Variants in RBP4 observed in about 807,000 individuals in gnomAD.
RBP4 encodes the protein retinol-binding protein 4.
In RBP4, 9 loss-of-function variants were observed where a neutral mutation model predicts 26.2. The ratio of observed to expected loss-of-function variants is 0.34; its 90% CI spans 0.21 to 0.60. The LOEUF is 0.60. Ranked by LOEUF, RBP4 falls within the 20% of genes least tolerant of loss-of-function variation. The pLI is 0.80. For synonymous variants in RBP4, 114 were observed against 111.0 expected, an observed-to-expected ratio of 1.03 and a Z score of -0.17; for missense variants, 244 against 271.3, an observed-to-expected ratio of 0.90 and a Z score of 0.71.
upstream of RBP4, chr10:93,601,271 CG>C: frequency 8.2e-7 from 1 of 1,214,422 alleles, no homozygotes; most frequent in Non-Finnish European, 1.0e-6. Context: ...TTTATAGCGC[CG>C]GGGGGAGGGG....
At chr10:93,598,243 A>G (rs2058314210) in intron 4 of RBP4, among the ~76,000 whole-genome samples, 2 of 152,214 alleles carry the variant, frequency 1.3e-5, no homozygotes, top group Admixed American at 6.5e-5. Flanking sequence ...CATATCAAAC[A>G]CTTACAAAGA....
At chr10:93,597,073 T>G (rs932843169) in intron 4 of RBP4, among the ~76,000 whole-genome samples, 1 of 152,208 alleles carries the variant, frequency 6.6e-6, no homozygotes, top group Admixed American at 6.5e-5. Flanking sequence ...AGAAACAGCA[T>G]ACCCAAGGAG....
In RBP4 at chr10:93,601,212, G is replaced by A; in HGVS notation, c.-60C>T. 2 of 1,314,728 alleles carry A rather than the reference G, an allele frequency of 1.5e-6. No individual in the cohort carries two copies. Among genetic ancestry groups the A allele is most frequent in the Non-Finnish European group, 1.9e-6 (2 of 1,039,886 alleles). The allele number at this position is 1,314,728 out of a possible 1,614,324, so 81.4% of individuals were successfully genotyped here. A position where few individuals can be genotyped will look rare whatever the true frequency, so the allele number is the denominator to read the frequency against. On this transcript the variant is annotated 5_prime_UTR_variant, in exon 1 of 6. Transcript: ENST00000371464. The stretch of plus-strand genomic sequence containing the variant: ...GCGCGCAAGCCTGGCCGCCGAGTCC[G>A]GGCGCGCGTGGAGCGAGGGAGGCGA...
At chr10:93,594,729 G>A (rs991029521) in intron 4 of RBP4, among the ~76,000 whole-genome samples, 1 of 152,224 alleles carries the variant, frequency 6.6e-6, no homozygotes, top group Non-Finnish European at 1.5e-5. Flanking sequence ...GCAGAGCTGA[G>A]CCACTGAATT....
At position 93,592,013 on chromosome 10, in the gene RBP4, AATAGAGCTGAAG is replaced by A. The variant is rs1312068487; in HGVS notation, c.*50_*61del. 4 of 1,395,604 alleles carry A rather than the reference AATAGAGCTGAAG, an allele frequency of 2.9e-6. No homozygotes were observed. The African/African-American group carries it at 5.7e-5, about 20-fold the overall frequency. 86.5% of individuals were successfully genotyped at this position (1,395,604 alleles called of 1,614,324 possible). On this transcript the variant is annotated 3_prime_UTR_variant, in exon 6 of 6. Coordinates refer to ENST00000371464, the MANE Select transcript of RBP4 (RefSeq NM_006744.4). ...AAGGGCAAATTAAACTCCTAAGATA[AATAGAGCTGAAG>A]ACTGAGAGCTAATCAGAAGTTCTCA...
intron 4 of RBP4, 29 bp from the exon 5 acceptor site, chr10:93,594,064 C>A: frequency 6.2e-7 from 1 of 1,604,370 alleles, no homozygotes; most frequent in South Asian, 1.1e-5. Context: ...CCATGCCGAT[C>A]AATGCCTTTC....
Position 93,600,772 on chromosome 10 carries a change from T to C in RBP4, c.143A>G (p.Lys48Arg), listed in dbSNP as rs748116788. The change falls in exon 3 of 6, where the codon AAG becomes AGG. Residue 48 changes from lysine (K) to arginine (R), a missense_variant. Transcript: ENST00000371464. ...CTGCAGAAAGAGGCCCTCGGGGTCC[T>C]TCTTGGCCATGGCGTACCAGGTCCC... Reference protein sequence around the residue: ...FSGTWYAMAKKDPEGLFLQDN... With the variant: ...FSGTWYAMAKRDPEGLFLQDN... The C allele has an allele frequency of 1.2e-6, 2 of 1,611,808 alleles. No individual in the cohort carries two copies. The highest frequency in any genetic ancestry group is 1.7e-6 in the Non-Finnish European group (2 of 1,179,014).
intron 4 of RBP4, among the ~76,000 whole-genome samples, chr10:93,598,301 T>C (rs1195862811): frequency 1.3e-5 from 2 of 152,232 alleles, no homozygotes; most frequent in Non-Finnish European, 2.9e-5. Context: ...TGTTGACTCA[T>C]TGCATCTTGT....
upstream of RBP4, chr10:93,601,304 G>A: frequency 8.2e-7 from 1 of 1,218,212 alleles, no homozygotes; most frequent in Non-Finnish European, 1.0e-6. Flanking sequence ...GTAACCGCGC[G>A]GGGTGAAAGA....
At position 93,593,824 on chromosome 10, in the gene RBP4, G is replaced by A. The variant is rs373058806; in HGVS notation, c.567C>T (p.Asn189=). 96 of 1,611,536 alleles carry A rather than the reference G, an allele frequency of 6.0e-5. 1 individual carries two copies. The highest frequency in any genetic ancestry group is 5.5e-4 in the South Asian group (50 of 90,992). Residue 189 remains asparagine, a splice_region_variant and synonymous_variant, in exon 5 of 6, where the codon AAC becomes AAT. Transcript: ENST00000371464. ...GAAGGCACCCTGCTCCTGACTCACC[G>A]TTGTGGACGATCAGCCTGTACTGCC... is the stretch of plus-strand genomic sequence containing the variant. The part of the protein sequence containing the change: ...LARQYRLIVH[N]GYCDGRSERN...
At chr10:93,601,508 G>C, upstream of RBP4, 1 of 699,260 alleles carries the variant, frequency 1.4e-6, no homozygotes, top group South Asian at 2.0e-5. Context: ...CGTGCCAGCG[G>C]CCGCCAGCTG....
chr10:93,597,013 G>C (rs1210201412), intron 4 of RBP4, among the ~76,000 whole-genome samples: 1 of 152,160 alleles, frequency 6.6e-6, no homozygotes, highest in Non-Finnish European at 1.5e-5. Context: ...AGTAAGCCAA[G>C]CTCTTCAGAT....
At chr10:93,601,098 A>G (rs1848419891) in intron 1 of RBP4, 52 bp from the exon 2 acceptor site, 7 of 1,572,146 alleles carry the variant, frequency 4.5e-6, no homozygotes, top group Middle Eastern at 2.2e-4. Context: ...CCGCCGCCGT[A>G]TCCCACCTCA....
chr10:93,599,261 TAA>T (rs199642006), intron 4 of RBP4, among the ~76,000 whole-genome samples: 1 of 151,026 alleles, frequency 6.6e-6, no homozygotes, highest in African/African-American at 2.4e-5. Flanking sequence ...AAAAAAATAA[TAA>T]TAAATTAAAA....
chr10:93,600,385 C>G lies in RBP4; in HGVS notation c.355+8G>C. The G allele has an allele frequency of 6.2e-7, 1 of 1,612,330 alleles. No individual in the cohort carries two copies. The stretch of plus-strand genomic sequence containing the variant: ...TCCCAAGACAGTCCCACAGAGCTGA[C>G]TACTCACTTCCTTTCTGGAGAAAGG... On this transcript the variant is annotated splice_region_variant and intron_variant, in intron 4 of 5. Transcript: ENST00000371464.
chr10:93,600,259 G>T, intron 4 of RBP4, 134 bp downstream of exon 4: 1 of 796,118 alleles, frequency 1.3e-6, no homozygotes, highest in Non-Finnish European at 2.2e-6. Flanking sequence ...AGGTGGTGCT[G>T]CGGGTTCCTG....
chr10:93,596,375 C>T (rs35431690), intron 4 of RBP4, among the ~76,000 whole-genome samples: 27,528 of 152,000 alleles, frequency 0.18, 2,632 homozygotes, highest in South Asian at 0.34. Context: ...AATTCAAAGA[C>T]GAGGAATTTA....
intron 4 of RBP4, among the ~76,000 whole-genome samples, chr10:93,598,931 A>T (rs2058318191): frequency 6.6e-6 from 1 of 152,226 alleles, no homozygotes. Context: ...ATTTCCAAGG[A>T]TAATAAATAA....
At chr10:93,601,520 G>A (rs916271288), upstream of RBP4, 3 of 663,730 alleles carry the variant, frequency 4.5e-6, no homozygotes, top group South Asian at 1.9e-5. Flanking sequence ...CGCCAGCTGC[G>A]GTCTAGGGTG....
Sources: gnomAD v4.1 joint callset for allele counts (sites outside exome capture counted in the v4.1 genomes callset) on GRCh38, gnomAD v4.1.1 for gene constraint, MANE v1.5 for transcripts, NCBI Gene and HGNC (gene_info 2026-07-23, HGNC 2026-07-21) for gene names.